Variants in SETBP1 observed in about 807,000 individuals in gnomAD.
SETBP1 encodes SET binding protein 1.
SETBP1 carries 9 observed loss-of-function variants against 101.0 expected under a neutral mutation model. That is an observed-to-expected ratio of 0.09 (90% CI 0.05 to 0.16). SETBP1 has a LOEUF of 0.16. Among genes scored for constraint, SETBP1 ranks in the 10% least tolerant of loss-of-function variants. The probability of loss-of-function intolerance (pLI) is 1.00; values close to 1 mark genes in which losing one functional copy is unlikely to be tolerated. For synonymous variants in SETBP1, 818 were observed against 788.5 expected (o/e 1.04, Z -0.63); for missense variants, 1,858 against 2,033.8 (o/e 0.91, Z 1.66).
chr18:44,710,849 A>G (rs1267082172), intron 2 of SETBP1, among the ~76,000 whole-genome samples: 1 of 152,148 alleles, frequency 6.6e-6, no homozygotes, highest in Non-Finnish European at 1.5e-5. Flanking sequence ...TGGTCCTCAG[A>G]GTGACTTGAC....
chr18:45,022,867 C>T lies in SETBP1; in HGVS notation c.4001-15618C>T, dbSNP rs534932302. On this transcript the variant is annotated intron_variant, in intron 4 of 5. Transcript: ENST00000649279. ...TAAGAATAAATAAAATTAGCATTTA[C>T]ATGTTTGCCTCTGGCACTTTGAAGA... Among the ~76,000 whole-genome samples the T allele has an allele frequency of 3.3e-5, 5 of 152,306 alleles. No homozygotes were observed. In the South Asian group the frequency reaches 1.0e-3, roughly 32 times the overall value.
In SETBP1 at chr18:45,047,221, G is replaced by A. The variant is rs567758478; in HGVS notation, c.4171+8566G>A. Among the ~76,000 whole-genome samples the A allele has an allele frequency of 2.5e-3, 379 of 152,222 alleles. 2 individuals carry two copies. Among genetic ancestry groups the A allele is most frequent in the African/African-American group, 8.7e-3 (363 of 41,534 alleles). On this transcript the variant is annotated intron_variant, in intron 5 of 5. Coordinates refer to ENST00000649279, the MANE Select transcript of SETBP1 (RefSeq NM_015559.3). ...ATCAGACGCCCAGGGAGTCAGGTGCGATTATTGTAATGACCTCACACTCGG... is the reference window on the plus strand; with the variant it reads ...ATCAGACGCCCAGGGAGTCAGGTGCAATTATTGTAATGACCTCACACTCGG...
intron 4 of SETBP1, among the ~76,000 whole-genome samples, chr18:45,021,465 G>T (rs370078704): frequency 6.6e-6 from 1 of 152,142 alleles, no homozygotes; most frequent in Non-Finnish European, 1.5e-5. Context: ...CCAATGAAAT[G>T]TTCACCCTCT....
chr18:44,867,713 A>G (rs759250007), intron 2 of SETBP1, among the ~76,000 whole-genome samples: 5 of 150,780 alleles, frequency 3.3e-5, no homozygotes, highest in Non-Finnish European at 7.4e-5. Context: ...ACATGGGGGG[A>G]TCTAGCCTGC....
rs144815893 is a variant in SETBP1, at chr18:44,787,273, A to T, written c.487-81957A>T. On this transcript the variant is annotated intron_variant, in intron 2 of 5. Transcript: ENST00000649279. Reference sequence around the variant, plus strand: ...TCATACAGTAGCAGTAATTGAAAGGATATTTCATTTATATAGCATCTGTCA... The same window carrying T: ...TCATACAGTAGCAGTAATTGAAAGGTTATTTCATTTATATAGCATCTGTCA... Among the ~76,000 whole-genome samples the T allele has an allele frequency of 4.1e-3, 624 of 152,320 alleles. 3 individuals carry two copies. Among genetic ancestry groups the T allele is most frequent in the African/African-American group, 0.014 (571 of 41,568 alleles).
At chr18:44,953,441 A>G in intron 4 of SETBP1, 101 bp downstream of exon 4, 1 of 1,055,096 alleles carries the variant, frequency 9.5e-7, no homozygotes, top group South Asian at 1.3e-5. Flanking sequence ...TAGTTTGCAA[A>G]GAGGTGGGAA....
At chr18:44,979,143 CA>C (rs1341311945) in intron 4 of SETBP1, among the ~76,000 whole-genome samples, 2 of 152,148 alleles carry the variant, frequency 1.3e-5, no homozygotes, top group Non-Finnish European at 2.9e-5. Context: ...TGACTGCTAC[CA>C]CAACACCATG....
chr18:44,874,490 C>T (rs1476617975), intron 3 of SETBP1, among the ~76,000 whole-genome samples: 1 of 152,072 alleles, frequency 6.6e-6, no homozygotes, highest in African/African-American at 2.4e-5. Flanking sequence ...GCTGTTGGTC[C>T]ATACAAGGAG....
At chr18:44,843,912 G>C (rs890600819) in intron 2 of SETBP1, among the ~76,000 whole-genome samples, 2 of 152,162 alleles carry the variant, frequency 1.3e-5, no homozygotes, top group African/African-American at 4.8e-5. Flanking sequence ...AACAGACAGA[G>C]AGAGGATGTT....
In SETBP1 at chr18:44,928,962, T is replaced by C. The variant is rs560424210; in HGVS notation, c.541-20919T>C. On this transcript the variant is annotated intron_variant, in intron 3 of 5. Coordinates refer to ENST00000649279, the MANE Select transcript of SETBP1 (RefSeq NM_015559.3). ...AGATCCCATTTGTCAATTTTGGCTT[T>C]TGTTGTTATTGCTCTTGGTGTTCTA... Among the ~76,000 whole-genome samples the C allele has an allele frequency of 2.0e-5, 3 of 152,366 alleles. No individual in the cohort carries two copies. In the South Asian group the frequency reaches 6.2e-4, roughly 32 times the overall value.
chr18:44,914,586 A>G (rs2070384959), intron 3 of SETBP1, among the ~76,000 whole-genome samples: 1 of 152,156 alleles, frequency 6.6e-6, no homozygotes, highest in South Asian at 2.1e-4. Flanking sequence ...AGAAGGAGAG[A>G]CATTTCATGC....
At chr18:44,953,792 A>G (rs2071421954) in intron 4 of SETBP1, among the ~76,000 whole-genome samples, 1 of 152,162 alleles carries the variant, frequency 6.6e-6, no homozygotes, top group African/African-American at 2.4e-5. Context: ...TCACACATCT[A>G]ATGTGAGAAG....
At chr18:44,878,085 G>C (rs139834761) in intron 3 of SETBP1, among the ~76,000 whole-genome samples, 26 of 152,220 alleles carry the variant, frequency 1.7e-4, no homozygotes, top group African/African-American at 6.0e-4. Context: ...ACTTGATCAA[G>C]GAAATCAGTA....
chr18:44,961,674 C>A (rs1567994754), intron 4 of SETBP1, among the ~76,000 whole-genome samples: 1 of 152,098 alleles, frequency 6.6e-6, no homozygotes, highest in Non-Finnish European at 1.5e-5. Context: ...GCCAAAAAGG[C>A]CATGTGTAGA....
chr18:44,720,842 C>T (rs2069570807), intron 2 of SETBP1, among the ~76,000 whole-genome samples: 1 of 151,978 alleles, frequency 6.6e-6, no homozygotes, highest in Non-Finnish European at 1.5e-5. Flanking sequence ...CTTCAGTAGG[C>T]CAGATCAGAC....
chr18:44,877,344 C>G, intron 3 of SETBP1: 3 of 931,362 alleles, frequency 3.2e-6, no homozygotes, highest in Non-Finnish European at 3.8e-6. Context: ...CATCAAAGAT[C>G]GTTTGATAAG....
At chr18:45,040,592 G>T (rs1482526770) in intron 5 of SETBP1, among the ~76,000 whole-genome samples, 1 of 151,666 alleles carries the variant, frequency 6.6e-6, no homozygotes, top group East Asian at 2.0e-4. Context: ...GCCAAAGACA[G>T]GTGGTCCCCC....
At chr18:44,749,849 T>G (rs2070342307) in intron 2 of SETBP1, among the ~76,000 whole-genome samples, 1 of 152,238 alleles carries the variant, frequency 6.6e-6, no homozygotes, top group Non-Finnish European at 1.5e-5. Context: ...GTTCATTCAC[T>G]TGTTGTTTTC....
chr18:44,894,733 T>C (rs920533177), intron 3 of SETBP1, among the ~76,000 whole-genome samples: 3 of 151,794 alleles, frequency 2.0e-5, no homozygotes, highest in African/African-American at 7.3e-5. Context: ...ATGAGGCAAG[T>C]ACAGTACAAA....
Sources: gnomAD v4.1 joint callset for allele counts (sites outside exome capture counted in the v4.1 genomes callset) on GRCh38, gnomAD v4.1.1 for gene constraint, MANE v1.5 for transcripts, NCBI Gene and HGNC (gene_info 2026-07-23, HGNC 2026-07-21) for gene names.